The following MIGA1 variants were observed in gnomAD, a reference collection of about 807,000 sequenced individuals.
MIGA1 encodes family with sequence similarity 73, member A.
Under a neutral mutation model 82.0 loss-of-function variants are expected in MIGA1, and 58 were observed. The ratio of observed to expected loss-of-function variants is 0.71; its 90% CI spans 0.57 to 0.88. The LOEUF is 0.88. Among genes scored for constraint, MIGA1 ranks in the 40% least tolerant of loss-of-function variants. MIGA1 has a pLI of 0.00. For synonymous variants in MIGA1, 249 were observed against 253.6 expected (o/e 0.98, Z 0.17); for missense variants, 751 against 749.1 (o/e 1.00, Z -0.03).
At chr1:77,836,917 T>TC (rs150452166) in intron 7 of MIGA1, among the ~76,000 whole-genome samples, 1,853 of 152,306 alleles carry the variant, frequency 0.012, 40 homozygotes, top group African/African-American at 0.043. Context: ...TGGCTTTTTT[T>TC]CCCAAGTTAC....
intron 2 of MIGA1, among the ~76,000 whole-genome samples, chr1:77,793,653 A>G (rs1298214736): frequency 6.7e-6 from 1 of 149,096 alleles, no homozygotes; most frequent in East Asian, 2.0e-4. Flanking sequence ...TATTTTTAAT[A>G]GAGATGGGGT....
At chr1:77,842,337 C>CT (rs1291516997) in intron 7 of MIGA1, among the ~76,000 whole-genome samples, 1 of 152,170 alleles carries the variant, frequency 6.6e-6, no homozygotes, top group Middle Eastern at 3.2e-3. Flanking sequence ...ACAAGTATTG[C>CT]TAACAGCCTG....
intron 2 of MIGA1, 26 bp downstream of exon 2, chr1:77,783,377 T>G: frequency 1.4e-6 from 2 of 1,384,996 alleles, no homozygotes; most frequent in Non-Finnish European, 2.0e-6. Context: ...AAACAGGAAG[T>G]TGAATATTAA....
At chr1:77,871,891 C>T (rs1646841243) in intron 14 of MIGA1, among the ~76,000 whole-genome samples, 1 of 152,078 alleles carries the variant, frequency 6.6e-6, no homozygotes, top group Admixed American at 6.5e-5. Context: ...CTTTGATAGT[C>T]TTAATAATCC....
chr1:77,829,119 C>G (rs893845014), intron 7 of MIGA1, among the ~76,000 whole-genome samples: 5 of 151,502 alleles, frequency 3.3e-5, no homozygotes, highest in African/African-American at 1.2e-4. Flanking sequence ...ATATTTAGGT[C>G]TTTATTCTTC....
At position 77,845,193 on chromosome 1, in the gene MIGA1, G is replaced by A. The variant is rs1684789015; in HGVS notation, c.996+1786G>A. 2.6e-5 allele frequency among the ~76,000 whole-genome samples: 4 copies of A among 151,880 alleles called. No homozygotes were observed. The South Asian group carries it at 8.3e-4, about 32-fold the overall frequency. On this transcript the variant is annotated intron_variant, in intron 8 of 15. Transcript: ENST00000370791. ...TCACTTACAGTATCATCTCCTAATTGTTTACATTAAAAAAATTTTTCCACT... is the reference window on the plus strand; with the variant it reads ...TCACTTACAGTATCATCTCCTAATTATTTACATTAAAAAAATTTTTCCACT...
intron 1 of MIGA1, 63 bp downstream of exon 1, chr1:77,779,799 C>A: frequency 6.7e-7 from 1 of 1,500,726 alleles, no homozygotes; most frequent in Non-Finnish European, 8.9e-7. Context: ...AGTTGAGCGG[C>A]CACGCAGTTG....
chr1:77,803,188 A>G (rs1020294346), intron 3 of MIGA1, 82 bp from the exon 4 acceptor site: 7 of 826,348 alleles, frequency 8.5e-6, no homozygotes, highest in African/African-American at 3.6e-5. Flanking sequence ...CTGGGTGAAT[A>G]TATTATAAAC....
chr1:77,826,711 G>A (rs1003041719), intron 7 of MIGA1, among the ~76,000 whole-genome samples: 1 of 152,064 alleles, frequency 6.6e-6, no homozygotes, highest in South Asian at 2.1e-4. Context: ...CTGGGCTCAG[G>A]CAGTCCTTCT....
chr1:77,815,065 A>G (rs769136738), intron 6 of MIGA1, 43 bp from the exon 7 acceptor site: 6 of 1,325,166 alleles, frequency 4.5e-6, no homozygotes, highest in East Asian at 5.2e-5. Flanking sequence ...GAATTTTAAC[A>G]TTAGAATTTA....
At chr1:77,844,135 T>TATAG (rs1238283613) in intron 8 of MIGA1, among the ~76,000 whole-genome samples, 105 of 112,524 alleles carry the variant, frequency 9.3e-4, no homozygotes, top group African/African-American at 3.6e-3. Flanking sequence ...TATATATATA[T>TATAG]ATAGATAGAT....
intron 2 of MIGA1, among the ~76,000 whole-genome samples, chr1:77,788,762 T>A (rs978870852): frequency 6.6e-6 from 1 of 152,260 alleles, no homozygotes; most frequent in Non-Finnish European, 1.5e-5. Flanking sequence ...ATGTGAGGTT[T>A]TATTTCTGTG....
intron 8 of MIGA1, among the ~76,000 whole-genome samples, chr1:77,850,082 C>T (rs1684991095): frequency 6.6e-6 from 1 of 151,428 alleles, no homozygotes; most frequent in African/African-American, 2.4e-5. Context: ...GCTGAAAGAT[C>T]TGTTCCCAAG....
At chr1:77,804,355 G>T (rs1028102175) in intron 4 of MIGA1, among the ~76,000 whole-genome samples, 1 of 152,126 alleles carries the variant, frequency 6.6e-6, no homozygotes, top group African/African-American at 2.4e-5. Flanking sequence ...AATCTAATGT[G>T]ATTTAAACAT....
rs776832927 is a variant in MIGA1 at position 77,783,338 on chromosome 1, A to C, written c.182A>C (p.Tyr61Ser). 4.4e-6 allele frequency: 7 copies of C among 1,577,370 alleles called. No individual in the cohort carries two copies. The highest frequency in any genetic ancestry group is 6.1e-6 in the Non-Finnish European group (7 of 1,154,014). ...TTTGATCTTCCTCTGACTTGGTACTATTCTCTCTCCCAGGTAAATAAAAGA... is the reference window on the plus strand; with the variant it reads ...TTTGATCTTCCTCTGACTTGGTACTCTTCTCTCTCCCAGGTAAATAAAAGA... The change falls in exon 2 of 16, where the codon TAT becomes TCT. Residue 61 changes from tyrosine to serine, a missense_variant. Tyr to Ser is a moderately radical substitution (Grantham distance 144). Transcript: ENST00000370791.
intron 5 of MIGA1, chr1:77,811,705 C>T: frequency 6.2e-7 from 1 of 1,611,962 alleles, no homozygotes; most frequent in Non-Finnish European, 8.5e-7. Context: ...CACCAGCTGG[C>T]CCCAAGAGTC....
chr1:77,847,009 C>G, intron 8 of MIGA1: 1 of 623,348 alleles, frequency 1.6e-6, no homozygotes, highest in African/African-American at 1.8e-5. Context: ...CCTTGGAAAG[C>G]TTTTGCTATA....
rs1186219407 is a variant in MIGA1 at position 77,803,276 on chromosome 1, G to C, written c.380G>C (p.Ser127Thr). ...TAGTATGTTTATTTGATAGGTTCAA[G>C]TTGTTCCAGTAGCAGACAGAATTTG... Residue 127 changes from serine (S) to threonine (T), a missense_variant, in exon 4 of 16, where the codon AGT (serine) becomes ACT (threonine). Physicochemically the swap from Ser to Thr is moderately conservative, Grantham distance 58. Transcript: ENST00000370791. 1 of 1,519,036 alleles carries C rather than the reference G, an allele frequency of 6.6e-7. No individual in the cohort carries two copies. Among genetic ancestry groups the C allele is most frequent in the Admixed American group, 2.2e-5 (1 of 45,812 alleles). 94.1% of individuals were successfully genotyped at this position (1,519,036 alleles called of 1,614,324 possible). A position where few individuals can be genotyped will look rare whatever the true frequency, so the allele number is the denominator to read the frequency against.
intron 2 of MIGA1, among the ~76,000 whole-genome samples, chr1:77,789,499 C>T (rs983410922): frequency 6.6e-5 from 10 of 152,080 alleles, no homozygotes; most frequent in Non-Finnish European, 8.8e-5. Context: ...TGTGAGCCAC[C>T]GTGTTTGGCT....
Sources: allele counts gnomAD v4.1 joint callset (sites outside exome capture counted in the v4.1 genomes callset), GRCh38; gene constraint gnomAD v4.1.1; transcripts MANE v1.5; gene names NCBI Gene and HGNC (gene_info 2026-07-23, HGNC 2026-07-21).